The following AHCYL1 variants were observed in gnomAD, a reference collection of about 807,000 sequenced individuals.
The protein encoded by AHCYL1 is adenosylhomocysteinase like 1.
In AHCYL1, 20 loss-of-function variants were observed where a neutral mutation model predicts 79.3. The observed-to-expected ratio is 0.25, with a 90% CI of 0.18 to 0.37. The LOEUF (loss-of-function observed/expected upper bound fraction) is 0.37. Among genes scored for constraint, AHCYL1 ranks in the 10% least tolerant of loss-of-function variants. AHCYL1 has a pLI of 1.00. For missense variants in AHCYL1, 330 were observed against 673.6 expected (o/e 0.49, Z 5.65); for synonymous variants, 223 against 242.2 (o/e 0.92, Z 0.74).
intron 1 of AHCYL1, among the ~76,000 whole-genome samples, chr1:110,003,097 G>T (rs746751309): frequency 1.8e-4 from 27 of 152,176 alleles, no homozygotes; most frequent in Non-Finnish European, 3.5e-4. Flanking sequence ...TGGCAGGGTT[G>T]AGGAGACTGT....
intron 10 of AHCYL1, 89 bp from the exon 11 acceptor site, chr1:110,017,857 A>G (rs778679149): frequency 2.1e-5 from 28 of 1,362,068 alleles, no homozygotes; most frequent in Non-Finnish European, 2.8e-5. Flanking sequence ...ACTGGATCCA[A>G]CTAGAAGGGG....
At chr1:110,018,500 C>G (rs755839733) in intron 12 of AHCYL1, 33 bp downstream of exon 12, 1 of 1,613,340 alleles carries the variant, frequency 6.2e-7, no homozygotes, top group South Asian at 1.1e-5. Context: ...CTAGGCATTT[C>G]TCTACTACCT....
At chr1:109,990,382 G>A (rs1171757072) in intron 1 of AHCYL1, among the ~76,000 whole-genome samples, 4 of 152,240 alleles carry the variant, frequency 2.6e-5, no homozygotes, top group African/African-American at 9.6e-5. Flanking sequence ...TTTGCCTGGC[G>A]CAATTCTGGT....
intron 6 of AHCYL1, 95 bp from the exon 7 acceptor site, chr1:110,015,330 T>A: frequency 1.0e-6 from 1 of 955,800 alleles, no homozygotes; most frequent in Non-Finnish European, 1.7e-6. Flanking sequence ...TTCCAAAACA[T>A]ACAGGGCTCT....
At chr1:110,005,683 A>G (rs1431970758) in intron 1 of AHCYL1, among the ~76,000 whole-genome samples, 1 of 152,040 alleles carries the variant, frequency 6.6e-6, no homozygotes, top group Non-Finnish European at 1.5e-5. Context: ...GGGCCCTGGG[A>G]AGGAGTGTAG....
intron 13 of AHCYL1, 59 bp downstream of exon 13, chr1:110,018,709 G>GGGGGA: frequency 6.9e-7 from 1 of 1,450,104 alleles, no homozygotes; most frequent in Non-Finnish European, 9.6e-7. Context: ...GATCTATGAG[G>GGGGGA]GGGGAGGGGA....
rs757286940 is a variant in AHCYL1, at chr1:110,015,416, G to C, written c.676-9G>C. The C allele has an allele frequency of 6.2e-7, 1 of 1,611,596 alleles. No homozygotes were observed. The highest frequency in any genetic ancestry group is 8.5e-7 in the Non-Finnish European group (1 of 1,177,712). ...GAATGCCCATAGAAGTCTTCTGGCT[G>C]TTCTATAGATCCTGGATGATGGGGG... On this transcript the variant is annotated splice_polypyrimidine_tract_variant and intron_variant, in intron 6 of 16. Coordinates refer to ENST00000369799, the MANE Select transcript of AHCYL1 (RefSeq NM_006621.7).
chr1:110,021,613 G>A, intron 16 of AHCYL1, 61 bp from the exon 17 acceptor site: 1 of 1,576,498 alleles, frequency 6.3e-7, no homozygotes, highest in African/African-American at 1.4e-5. Flanking sequence ...GTTTCCGATT[G>A]TTTTTTGGAA....
chr1:110,016,536 C>T, intron 8 of AHCYL1, 76 bp downstream of exon 8: 1 of 1,547,052 alleles, frequency 6.5e-7, no homozygotes, highest in Admixed American at 1.8e-5. Context: ...ATTAGAGGGA[C>T]CATTTCATAC....
chr1:109,996,304 T>G (rs17025313), intron 1 of AHCYL1, among the ~76,000 whole-genome samples: 27,062 of 152,206 alleles, frequency 0.18, 2,937 homozygotes, highest in South Asian at 0.46. Flanking sequence ...TGAAAGGTCC[T>G]GAAAATAGTC....
At position 110,021,744 on chromosome 1, in the gene AHCYL1, T is replaced by A; in HGVS notation, c.*64T>A. 6.6e-7 allele frequency: 1 copy of A among 1,522,346 alleles called. No individual in the cohort carries two copies. The highest frequency in any genetic ancestry group is 2.3e-5 in the East Asian group (1 of 43,880). The allele number at this position is 1,522,346 out of a possible 1,614,324, so 94.3% of individuals were successfully genotyped here. ...CACTCTAAAGAAATATTTTTTAAGA[T>A]AACTTTTATTTTCTTCTTACTCCTT... On this transcript the variant is annotated 3_prime_UTR_variant, in exon 17 of 17. Transcript: ENST00000369799.
intron 1 of AHCYL1, chr1:109,995,750 C>T: frequency 1.1e-6 from 1 of 935,456 alleles, no homozygotes; most frequent in Middle Eastern, 5.5e-4. Flanking sequence ...TTACCTGGCT[C>T]TAAACTAGAG....
At chr1:110,009,566 G>A (rs1342584383) in intron 2 of AHCYL1, among the ~76,000 whole-genome samples, 1 of 152,214 alleles carries the variant, frequency 6.6e-6, no homozygotes, top group Non-Finnish European at 1.5e-5. Context: ...AGACTGCTTA[G>A]ATTGTAACAA....
chr1:109,996,159 G>A (rs1178727719), intron 1 of AHCYL1, among the ~76,000 whole-genome samples: 3 of 152,114 alleles, frequency 2.0e-5, no homozygotes, highest in East Asian at 1.9e-4. Flanking sequence ...GCAGTGAGCC[G>A]AGATGGCATG....
chr1:110,018,343 CTT>C (rs1390522217), intron 11 of AHCYL1, 28 bp from the exon 12 acceptor site: 1 of 1,608,994 alleles, frequency 6.2e-7, no homozygotes. Flanking sequence ...CCCGGCATCT[CTT>C]TCCTTAACCA....
Position 109,985,000 on chromosome 1 carries a change from A to G in AHCYL1, c.-53A>G, listed in dbSNP as rs1194115851. Reference sequence around the variant, plus strand: ...GCGCGGGCAGGCGGGCGGGCGCCAGAGGGGGAAAGAGGCGGGGGCGGCGGG... The same window carrying G: ...GCGCGGGCAGGCGGGCGGGCGCCAGGGGGGGAAAGAGGCGGGGGCGGCGGG... On this transcript the variant is annotated 5_prime_UTR_variant, in exon 1 of 17. Transcript: ENST00000369799. The G allele has an allele frequency of 2.8e-6, 4 of 1,442,842 alleles. No homozygotes were observed. The highest frequency in any genetic ancestry group is 3.7e-6 in the Non-Finnish European group (4 of 1,094,276). 89.4% of individuals were successfully genotyped at this position (1,442,842 alleles called of 1,614,324 possible).
At chr1:109,987,136 TAA>T (rs1253009973) in intron 1 of AHCYL1, among the ~76,000 whole-genome samples, 1 of 152,224 alleles carries the variant, frequency 6.6e-6, no homozygotes, top group Non-Finnish European at 1.5e-5. Flanking sequence ...TACTTTGTAA[TAA>T]AGTGTTTCAT....
In AHCYL1 at chr1:110,019,530, C is replaced by T. The variant is rs764051502; in HGVS notation, c.1387-18C>T. The T allele has an allele frequency of 1.9e-6, 3 of 1,584,548 alleles. No individual in the cohort carries two copies. The East Asian group carries it at 6.7e-5, about 35-fold the overall frequency. On this transcript the variant is annotated intron_variant, in intron 14 of 16. Coordinates refer to ENST00000369799, the MANE Select transcript of AHCYL1 (RefSeq NM_006621.7). ...AAGAAATATTTTTGTGCTTTCTGGC[C>T]TTCTTTTCCCACCTTAGGCTTTGGC...
Position 110,011,132 on chromosome 1 carries a change from A to ATT in AHCYL1, c.233-82_233-81insTT. 5 of 1,523,048 alleles carry ATT rather than the reference A, an allele frequency of 3.3e-6. No individual in the cohort carries two copies. The African/African-American group carries it at 7.0e-5, about 21-fold the overall frequency. The allele number at this position is 1,523,048 out of a possible 1,614,324, so 94.3% of individuals were successfully genotyped here. A position where few individuals can be genotyped will look rare whatever the true frequency, so the allele number is the denominator to read the frequency against. On this transcript the variant is annotated intron_variant, in intron 2 of 16. Transcript: ENST00000369799. ...TAAGGGTGTTCCCTTAACTTAAATG[A>ATT]AAGTCCCTTGGGGACTGCACTCTGT...
Sources: gnomAD v4.1 joint callset for allele counts (sites outside exome capture counted in the v4.1 genomes callset) on GRCh38, gnomAD v4.1.1 for gene constraint, MANE v1.5 for transcripts, NCBI Gene and HGNC (gene_info 2026-07-23, HGNC 2026-07-21) for gene names.